Variants in APBA1 observed in about 807,000 individuals in gnomAD.
APBA1 encodes amyloid beta precursor protein binding family A member 1, also known as amyloid-beta A4 precursor protein-binding family A member 1.
In APBA1, 55 loss-of-function variants were observed where a neutral mutation model predicts 86.6. The ratio of observed to expected loss-of-function variants is 0.64; its 90% CI spans 0.51 to 0.80. APBA1 has a LOEUF of 0.80. APBA1 is among the 30% of genes least tolerant of loss of function. The pLI is 0.00. For synonymous variants in APBA1, 511 were observed against 493.9 expected (o/e 1.03, Z -0.46); for missense variants, 1,090 against 1,183.0 (o/e 0.92, Z 1.15).
chr9:69,506,058 G>A (rs1055055654), intron 2 of APBA1, among the ~76,000 whole-genome samples: 1 of 151,566 alleles, frequency 6.6e-6, no homozygotes, highest in African/African-American at 2.4e-5. Flanking sequence ...AAAAGGAGGA[G>A]GAGCCAAGAT....
chr9:69,604,591 C>G (rs1486800976), intron 1 of APBA1, among the ~76,000 whole-genome samples: 2 of 108,234 alleles, frequency 1.8e-5, no homozygotes, highest in African/African-American at 3.6e-5. Flanking sequence ...GAGAGGCACA[C>G]GGGTGTGGGC....
At chr9:69,434,611 G>A (rs1834666811) in intron 11 of APBA1, among the ~76,000 whole-genome samples, 1 of 151,686 alleles carries the variant, frequency 6.6e-6, no homozygotes, top group Admixed American at 6.6e-5. Flanking sequence ...GGAGGCTGAG[G>A]CAGGAGAATC....
chr9:69,559,173 G>C (rs541119553), intron 1 of APBA1, among the ~76,000 whole-genome samples: 1 of 152,248 alleles, frequency 6.6e-6, no homozygotes, highest in Non-Finnish European at 1.5e-5. Flanking sequence ...CAATTCTTTA[G>C]TGAGTATTAA....
chr9:69,540,830 T>G lies in APBA1; in HGVS notation c.-69-23551A>C, dbSNP rs990710776. Among the ~76,000 whole-genome samples the G allele has an allele frequency of 3.3e-5, 5 of 152,258 alleles. No individual in the cohort carries two copies. The South Asian group carries it at 1.0e-3, about 32-fold the overall frequency. On this transcript the variant is annotated intron_variant, in intron 1 of 12. Transcript: ENST00000265381. ...CCCAGGTTGGTCTTGAACTTGAACT[T>G]TCGGCCTCAAGAAATCCTCCCAACT...
chr9:69,598,356 C>T (rs572974303), intron 1 of APBA1, among the ~76,000 whole-genome samples: 3 of 151,806 alleles, frequency 2.0e-5, no homozygotes, highest in East Asian at 1.9e-4. Context: ...GTGGGTGCAG[C>T]GCACCAGCAT....
chr9:69,653,879 A>T (rs112549856), intron 1 of APBA1, among the ~76,000 whole-genome samples: 1 of 151,914 alleles, frequency 6.6e-6, no homozygotes, highest in South Asian at 2.1e-4. Context: ...AGGCCGAGGC[A>T]GGTGGATCAC....
At chr9:69,639,453 T>C (rs992390645) in intron 1 of APBA1, among the ~76,000 whole-genome samples, 1 of 152,084 alleles carries the variant, frequency 6.6e-6, no homozygotes, top group African/African-American at 2.4e-5. Context: ...GTAGAAAATA[T>C]AAAGGATGAA....
At chr9:69,481,102 T>C (rs1446975900) in intron 2 of APBA1, among the ~76,000 whole-genome samples, 1 of 150,242 alleles carries the variant, frequency 6.7e-6, no homozygotes, top group East Asian at 2.0e-4. Context: ...CTATTCAACA[T>C]AGTGTTGGAA....
Position 69,456,416 on chromosome 9 carries a change from T to C in APBA1, c.1619A>G (p.His540Arg). Reference protein sequence around the residue: ...NADTQETMMDHPLRTISYIAD... With the variant: ...NADTQETMMDRPLRTISYIAD... ...AATGTAGGAAATGGTCCTCAGAGGG[T>C]GGTCCATCATTGTCTCCTGGAGGCA... Residue 540 changes from histidine to arginine, a missense_variant, in exon 8 of 13, where the codon CAC becomes CGC. Coordinates refer to ENST00000265381, the MANE Select transcript of APBA1 (RefSeq NM_001163.4). 1 of 1,600,728 alleles carries C rather than the reference T, an allele frequency of 6.2e-7. No individual in the cohort carries two copies. Among genetic ancestry groups the C allele is most frequent in the Non-Finnish European group, 8.5e-7 (1 of 1,172,076 alleles).
intron 1 of APBA1, among the ~76,000 whole-genome samples, chr9:69,610,914 A>T (rs1473824557): frequency 1.3e-5 from 2 of 152,202 alleles, no homozygotes; most frequent in African/African-American, 2.4e-5. Context: ...GAACTGAATT[A>T]AAAAATGCAA....
intron 1 of APBA1, among the ~76,000 whole-genome samples, chr9:69,609,638 G>A (rs950890785): frequency 6.6e-6 from 1 of 152,084 alleles, no homozygotes; most frequent in Non-Finnish European, 1.5e-5. Flanking sequence ...ATCAGAAATG[G>A]GATCAAAGTG....
At chr9:69,441,281 G>A (rs554081955) in intron 10 of APBA1, among the ~76,000 whole-genome samples, 166 bp from the exon 11 acceptor site, 9 of 152,174 alleles carry the variant, frequency 5.9e-5, no homozygotes, top group Non-Finnish European at 1.0e-4. Context: ...GTCACTGCTC[G>A]GCTTCACCTA....
intron 1 of APBA1, among the ~76,000 whole-genome samples, chr9:69,611,285 GAAA>G (rs56357426): frequency 1.3e-4 from 14 of 111,906 alleles, no homozygotes; most frequent in South Asian, 8.4e-4. Flanking sequence ...ACCAGAAAAG[GAAA>G]AAAAAAAAAA....
At position 69,623,499 on chromosome 9, in the gene APBA1, A is replaced by G. The variant is rs561914065; in HGVS notation, c.-70+48654T>C. Among the ~76,000 whole-genome samples the G allele has an allele frequency of 1.2e-3, 178 of 152,270 alleles. 1 individual carries two copies. The highest frequency in any genetic ancestry group is 4.0e-3 in the African/African-American group (166 of 41,538). ...ACAAGCTTGAAGTCACAGAGGGAAG[A>G]AGACGATTTAAAGCAGGAAGTGGAT... On this transcript the variant is annotated intron_variant, in intron 1 of 12. Transcript: ENST00000265381.
chr9:69,606,123 T>C (rs1822466060), intron 1 of APBA1, among the ~76,000 whole-genome samples: 1 of 152,254 alleles, frequency 6.6e-6, no homozygotes, highest in Non-Finnish European at 1.5e-5. Flanking sequence ...AAAAGAGCAC[T>C]AGTATGCAAG....
In APBA1 at chr9:69,588,787, C is replaced by T. The variant is rs187184874; in HGVS notation, c.-69-71508G>A. 3.8e-4 allele frequency among the ~76,000 whole-genome samples: 58 copies of T among 152,282 alleles called. No homozygotes were observed. The East Asian group carries it at 9.4e-3, about 25-fold the overall frequency. ...ACATAGATTATCTCATTTAATCTCA[C>T]CACATCCCTGTAACTAGTGCCTCCA... On this transcript the variant is annotated intron_variant, in intron 1 of 12. Transcript: ENST00000265381.
At chr9:69,532,910 A>G (rs1316777953) in intron 1 of APBA1, among the ~76,000 whole-genome samples, 1 of 152,228 alleles carries the variant, frequency 6.6e-6, no homozygotes, top group Non-Finnish European at 1.5e-5. Flanking sequence ...GAATTTACGT[A>G]TATACTCATA....
intron 1 of APBA1, among the ~76,000 whole-genome samples, chr9:69,583,694 C>T (rs747829885): frequency 2.6e-5 from 4 of 152,168 alleles, no homozygotes; most frequent in Non-Finnish European, 5.9e-5. Context: ...CCTAACCATG[C>T]CCTGCATTTC....
chr9:69,543,467 T>C (rs1209640738), intron 1 of APBA1, among the ~76,000 whole-genome samples: 1 of 152,172 alleles, frequency 6.6e-6, no homozygotes, highest in Non-Finnish European at 1.5e-5. Flanking sequence ...TCTGGCCCCC[T>C]GTACTTAAAG....
Sources: gnomAD v4.1 joint callset for allele counts (sites outside exome capture counted in the v4.1 genomes callset) on GRCh38, gnomAD v4.1.1 for gene constraint, MANE v1.5 for transcripts, NCBI Gene and HGNC (gene_info 2026-07-23, HGNC 2026-07-21) for gene names.